Variants in NCAM2 observed in about 807,000 individuals in gnomAD.
The protein encoded by NCAM2 is N-CAM-2.
In NCAM2, 30 loss-of-function variants were observed where a neutral mutation model predicts 98.1. The ratio of observed to expected loss-of-function variants is 0.31; its 90% CI spans 0.23 to 0.41. The LOEUF (loss-of-function observed/expected upper bound fraction) is 0.41. Ranked by LOEUF, NCAM2 falls within the 10% of genes least tolerant of loss-of-function variation. NCAM2 has a pLI of 1.00. For missense variants in NCAM2, 867 were observed against 1,005.8 expected (o/e 0.86, Z 1.87); for synonymous variants, 368 against 342.4 (o/e 1.07, Z -0.83).
intron 9 of NCAM2, among the ~76,000 whole-genome samples, chr21:21,389,869 G>T (rs1389197440): frequency 1.3e-5 from 2 of 151,942 alleles, no homozygotes; most frequent in Non-Finnish European, 2.9e-5. Flanking sequence ...TTATTATTAT[G>T]AGGCGGAGTC....
chr21:21,038,226 A>G (rs2064836108), intron 1 of NCAM2, among the ~76,000 whole-genome samples: 1 of 152,230 alleles, frequency 6.6e-6, no homozygotes. Flanking sequence ...TAAGAATGAT[A>G]CAGATATATA....
chr21:21,411,054 GTATA>G (rs766878394), intron 10 of NCAM2, among the ~76,000 whole-genome samples: 3 of 29,268 alleles, frequency 1.0e-4, no homozygotes, highest in Non-Finnish European at 1.1e-4. Context: ...ATATGTGTGT[GTATA>G]TATATATATA....
intron 15 of NCAM2, among the ~76,000 whole-genome samples, chr21:21,506,393 G>A (rs1987980282): frequency 6.6e-6 from 1 of 152,108 alleles, no homozygotes; most frequent in African/African-American, 2.4e-5. Flanking sequence ...AGATTCAGAA[G>A]TGAGTCATTT....
At chr21:21,100,052 C>A (rs1303814402) in intron 1 of NCAM2, among the ~76,000 whole-genome samples, 1 of 151,884 alleles carries the variant, frequency 6.6e-6, no homozygotes, top group Non-Finnish European at 1.5e-5. Flanking sequence ...CATGGTTTTG[C>A]TTCAGGAAAA....
intron 1 of NCAM2, among the ~76,000 whole-genome samples, chr21:21,213,514 A>G (rs1041405238): frequency 1.5e-4 from 23 of 152,192 alleles, no homozygotes; most frequent in African/African-American, 4.8e-4. Flanking sequence ...CTTTATGAAG[A>G]ATTTTCAAGA....
intron 5 of NCAM2, among the ~76,000 whole-genome samples, chr21:21,307,350 C>A (rs1211055295): frequency 6.6e-6 from 1 of 151,996 alleles, no homozygotes; most frequent in Admixed American, 6.6e-5. Flanking sequence ...GTAAAAAATA[C>A]CCCCTCCAGC....
intron 15 of NCAM2, among the ~76,000 whole-genome samples, chr21:21,504,331 C>T (rs1987833514): frequency 1.3e-5 from 2 of 151,642 alleles, no homozygotes; most frequent in African/African-American, 2.4e-5. Flanking sequence ...ATAAAGTTAC[C>T]ATAAAATTTA....
intron 11 of NCAM2, among the ~76,000 whole-genome samples, chr21:21,431,184 T>C (rs1001795028): frequency 1.3e-5 from 2 of 149,850 alleles, no homozygotes; most frequent in African/African-American, 2.5e-5. Context: ...AAAAAAATTA[T>C]TTTTTTATCC....
intron 14 of NCAM2, among the ~76,000 whole-genome samples, chr21:21,474,644 G>A (rs372047873): frequency 3.3e-5 from 5 of 151,714 alleles, no homozygotes; most frequent in East Asian, 1.9e-4. Flanking sequence ...CCACTTCATC[G>A]TTACATAGAA....
rs184755061 is a variant in NCAM2, at chr21:21,323,634, C to G, written c.620-749C>G. ...ATGCTAGTGATTTGTTTATTGCAAA[C>G]AGTGCATTTCAGTAACAGTTTCAAC... On this transcript the variant is annotated intron_variant, in intron 5 of 17. Coordinates refer to ENST00000400546, the MANE Select transcript of NCAM2 (RefSeq NM_004540.5). 2.3e-3 allele frequency among the ~76,000 whole-genome samples: 351 copies of G among 152,188 alleles called. 1 individual carries two copies. The highest frequency in any genetic ancestry group is 3.9e-3 in the Non-Finnish European group (264 of 67,986).
chr21:21,104,799 A>G (rs1449035232), intron 1 of NCAM2, among the ~76,000 whole-genome samples: 2 of 152,144 alleles, frequency 1.3e-5, no homozygotes, highest in Non-Finnish European at 2.9e-5. Context: ...ACAATATGGC[A>G]GAATTGATGG....
intron 12 of NCAM2, among the ~76,000 whole-genome samples, chr21:21,460,542 T>C (rs1982819782): frequency 6.6e-6 from 1 of 152,008 alleles, no homozygotes; most frequent in African/African-American, 2.4e-5. Flanking sequence ...GCATTTGTAA[T>C]AAAGGATAAC....
chr21:21,039,525 G>A (rs2064863304), intron 1 of NCAM2, among the ~76,000 whole-genome samples: 1 of 152,040 alleles, frequency 6.6e-6, no homozygotes, highest in African/African-American at 2.4e-5. Flanking sequence ...TTATTACACA[G>A]TCTATACATG....
intron 11 of NCAM2, among the ~76,000 whole-genome samples, chr21:21,419,622 G>T (rs2077069977): frequency 6.7e-6 from 1 of 149,124 alleles, no homozygotes; most frequent in South Asian, 2.1e-4. Flanking sequence ...TTGGTTTTTT[G>T]TCCTTGTGAT....
intron 1 of NCAM2, among the ~76,000 whole-genome samples, chr21:21,267,814 G>C (rs933197468): frequency 6.6e-6 from 1 of 152,166 alleles, no homozygotes; most frequent in African/African-American, 2.4e-5. Context: ...AATGGAGCTA[G>C]TATTGAATTC....
intron 6 of NCAM2, among the ~76,000 whole-genome samples, chr21:21,329,116 G>A (rs542034532): frequency 1.3e-5 from 2 of 151,908 alleles, no homozygotes; most frequent in South Asian, 2.1e-4. Context: ...CACCATGCCC[G>A]GCTAATTTTT....
chr21:21,203,198 G>A (rs762405995), intron 1 of NCAM2, among the ~76,000 whole-genome samples: 32 of 152,084 alleles, frequency 2.1e-4, no homozygotes, highest in Non-Finnish European at 3.7e-4. Context: ...AAAATATGAA[G>A]GACTCCCGTG....
intron 1 of NCAM2, among the ~76,000 whole-genome samples, chr21:21,091,174 C>A (rs1475171012): frequency 6.6e-6 from 1 of 152,168 alleles, no homozygotes; most frequent in Admixed American, 6.5e-5. Context: ...AGCTTAAAAA[C>A]TACATGACAC....
Position 21,443,924 on chromosome 21 carries a change from C to G in NCAM2, c.1654+11643C>G, listed in dbSNP as rs575444463. On this transcript the variant is annotated intron_variant, in intron 12 of 17. Coordinates refer to ENST00000400546, the MANE Select transcript of NCAM2 (RefSeq NM_004540.5). ...GATAATCAGTATTTGTACTGGTTAT[C>G]AAAGGGAATAATTCTAGTTTTTGCC... is the stretch of plus-strand genomic sequence containing the variant. 2.2e-4 allele frequency among the ~76,000 whole-genome samples: 33 copies of G among 152,236 alleles called. No homozygotes were observed. In the South Asian group the frequency reaches 6.4e-3, roughly 30 times the overall value.
Sources: gnomAD v4.1 joint callset for allele counts (sites outside exome capture counted in the v4.1 genomes callset) on GRCh38, gnomAD v4.1.1 for gene constraint, MANE v1.5 for transcripts, NCBI Gene and HGNC (gene_info 2026-07-23, HGNC 2026-07-21) for gene names.